The following GSG1L2 variants were observed in gnomAD, a reference collection of about 807,000 sequenced individuals.
GSG1L2 encodes GSG1 like 2.
In GSG1L2, 15 loss-of-function variants were observed where a neutral mutation model predicts 9.0. The observed-to-expected ratio is 1.67, with a 90% CI of 1.12 to 2.57. The LOEUF (loss-of-function observed/expected upper bound fraction) is 2.57, where lower values mean the gene tolerates loss of function less well. GSG1L2 is among the 30% of genes most tolerant of loss of function. GSG1L2 has a pLI of 0.00. For missense variants in GSG1L2, 286 were observed against 150.3 expected (o/e 1.90, Z -4.72); for synonymous variants, 127 against 57.9 (o/e 2.19, Z -5.41).
intron 4 of GSG1L2, chr17:9,804,548 T>C (rs1001303985): frequency 4.6e-5 from 7 of 152,352 alleles, no homozygotes; most frequent in Admixed American, 1.3e-4. Context: ...GCCAGGCATG[T>C]GAGCTTACTC....
Position 9,820,824 on chromosome 17 carries a change from A to T in GSG1L2, c.310+938T>A, listed in dbSNP as rs186684231. Reference sequence around the variant, plus strand: ...CCCCACCATGTCCAGCTAATTTTTTAAAAAAACCTTTTGTAAAGAGAGGTC... The same window carrying T: ...CCCCACCATGTCCAGCTAATTTTTTTAAAAAACCTTTTGTAAAGAGAGGTC... On this transcript the variant is annotated intron_variant, in intron 1 of 4. Coordinates refer to ENST00000399363, the MANE Select transcript of GSG1L2 (RefSeq NM_001310219.2). The surrounding 1 kb of genome is among the most constrained non-coding windows in gnomAD (Gnocchi z 4.9). 1.9e-3 allele frequency among the ~76,000 whole-genome samples: 290 copies of T among 152,124 alleles called. 2 individuals carry two copies. Among genetic ancestry groups the T allele is most frequent in the African/African-American group, 6.6e-3 (275 of 41,486 alleles).
Position 9,808,961 on chromosome 17 carries a change from C to G in GSG1L2, c.380G>C (p.Gly127Ala), listed in dbSNP as rs1302211972. ...EEQGVLWLSIGGEVLDIVLIL... is the reference protein window; with the variant it reads ...EEQGVLWLSIAGEVLDIVLIL... Reference sequence around the variant, plus strand: ...CAGAACGATATCCAGGACCTCGCCCCCGATGGACAGCCACAAAACACCTGC... The same window carrying G: ...CAGAACGATATCCAGGACCTCGCCCGCGATGGACAGCCACAAAACACCTGC... The change falls in exon 3 of 5, where the codon GGG becomes GCG. Residue 127 changes from glycine to alanine, a missense_variant. Physicochemically the swap from Gly to Ala is moderately conservative, Grantham distance 60. Coordinates refer to ENST00000399363, the MANE Select transcript of GSG1L2 (RefSeq NM_001310219.2). 4 of 702,926 alleles carry G rather than the reference C, an allele frequency of 5.7e-6. No individual in the cohort carries two copies. Among genetic ancestry groups the G allele is most frequent in the African/African-American group, 5.2e-5 (3 of 57,250 alleles). 43.5% of individuals were successfully genotyped at this position (702,926 alleles called of 1,614,324 possible). A position where few individuals can be genotyped will look rare whatever the true frequency, so the allele number is the denominator to read the frequency against.
At position 9,813,528 on chromosome 17, in the gene GSG1L2, TCTC is replaced by T. The variant is rs1454712943; in HGVS notation, c.311-2913_311-2911del. On this transcript the variant is annotated intron_variant, in intron 1 of 4. Transcript: ENST00000399363. ...CTTTGGATTAATGTGATTGGACACTTCTCCTGATGTCAGCAGCAGTATCACGGT... is the reference window on the plus strand; with the variant it reads ...CTTTGGATTAATGTGATTGGACACTTCTGATGTCAGCAGCAGTATCACGGT... Among the ~76,000 whole-genome samples the T allele has an allele frequency of 2.6e-5, 4 of 152,168 alleles. No individual in the cohort carries two copies. The South Asian group carries it at 6.2e-4, about 24-fold the overall frequency.
intron 1 of GSG1L2, among the ~76,000 whole-genome samples, chr17:9,813,615 C>G (rs1426591753): frequency 6.6e-6 from 1 of 152,216 alleles, no homozygotes; most frequent in Non-Finnish European, 1.5e-5. Flanking sequence ...CCCCAAAGCA[C>G]TGGAAACACC....
chr17:9,809,348 G>A (rs1397356821), intron 2 of GSG1L2: 4 of 318,692 alleles, frequency 1.3e-5, no homozygotes, highest in African/African-American at 2.2e-5. Flanking sequence ...CTTCAAGAAC[G>A]AAGCCACAGA....
chr17:9,808,886 G>A lies in GSG1L2; in HGVS notation c.455C>T (p.Pro152Leu). ...ATCCACCCTGAGCCAGTGGAACCCAGGGCTGCGACAACTCACTCTGGAGCC... is the reference window on the plus strand; with the variant it reads ...ATCCACCCTGAGCCAGTGGAACCCAAGGCTGCGACAACTCACTCTGGAGCC... ...LLGSRVSCRSPGFHWLRVDAL... is the reference protein window; with the variant it reads ...LLGSRVSCRSLGFHWLRVDAL... The change falls in exon 3 of 5, where the codon CCT becomes CTT. Residue 152 changes from proline (P) to leucine (L), a missense_variant. By Grantham distance (98) the Pro-to-Leu change is moderately conservative. Coordinates refer to ENST00000399363, the MANE Select transcript of GSG1L2 (RefSeq NM_001310219.2). The A allele has an allele frequency of 1.4e-6, 1 of 702,978 alleles. No individual in the cohort carries two copies. The highest frequency in any genetic ancestry group is 2.6e-6 in the Non-Finnish European group (1 of 385,018). 43.5% of individuals were successfully genotyped at this position (702,978 alleles called of 1,614,324 possible).
chr17:9,811,542 G>A (rs1467760312), intron 1 of GSG1L2, among the ~76,000 whole-genome samples: 1 of 152,200 alleles, frequency 6.6e-6, no homozygotes, highest in Non-Finnish European at 1.5e-5. Flanking sequence ...GGTTTAGGGG[G>A]TGACAGATGG....
At chr17:9,803,836 A>T (rs931560363) in intron 4 of GSG1L2, 2 of 152,190 alleles carry the variant, frequency 1.3e-5, no homozygotes, top group Non-Finnish European at 2.9e-5. Context: ...TACCATTTAG[A>T]AAGTGGGACA....
intron 1 of GSG1L2, among the ~76,000 whole-genome samples, chr17:9,814,078 G>C (rs1478756687): frequency 4.6e-5 from 7 of 151,714 alleles, no homozygotes; most frequent in Middle Eastern, 3.4e-3. Flanking sequence ...GGGATTACAG[G>C]CACCCGCCAC....
chr17:9,800,707 T>G lies in GSG1L2; in HGVS notation c.*1679A>C, dbSNP rs1311874850. Among the ~76,000 whole-genome samples, 1 of 152,256 alleles carries G rather than the reference T, an allele frequency of 6.6e-6. No individual in the cohort carries two copies. The highest frequency in any genetic ancestry group is 1.5e-5 in the Non-Finnish European group (1 of 68,050). ...TCAGCGAAGTCTCTCTCCAGTGTATTTCATTCCCTGTAAGATGAGACTTTG... is the reference window on the plus strand; with the variant it reads ...TCAGCGAAGTCTCTCTCCAGTGTATGTCATTCCCTGTAAGATGAGACTTTG... On this transcript the variant is annotated 3_prime_UTR_variant, in exon 5 of 5. Coordinates refer to ENST00000399363, the MANE Select transcript of GSG1L2 (RefSeq NM_001310219.2).
chr17:9,816,915 T>TGC (rs2066569577), intron 1 of GSG1L2, among the ~76,000 whole-genome samples: 1 of 131,810 alleles, frequency 7.6e-6, no homozygotes, highest in African/African-American at 3.4e-5. Context: ...TGTATCTGTG[T>TGC]GTGTGTGTGT....
chr17:9,801,576 T>C lies in GSG1L2; in HGVS notation c.*810A>G, dbSNP rs756881545. On this transcript the variant is annotated 3_prime_UTR_variant, in exon 5 of 5. Transcript: ENST00000399363. The stretch of plus-strand genomic sequence containing the variant: ...ACAACCTGTGGCCTGAATAACATGG[T>C]AGCTGGACATGGGATGAATTGATAC... Among the ~76,000 whole-genome samples, 14 of 152,198 alleles carry C rather than the reference T, an allele frequency of 9.2e-5. No homozygotes were observed. Among genetic ancestry groups the C allele is most frequent in the Non-Finnish European group, 1.6e-4 (11 of 68,028 alleles).
At chr17:9,807,890 C>A in intron 3 of GSG1L2, 1 of 324,920 alleles carries the variant, frequency 3.1e-6, no homozygotes, top group South Asian at 3.3e-5. Context: ...ATCCCATTCG[C>A]TGAGGATAAG....
At chr17:9,813,069 T>G (rs973780875) in intron 1 of GSG1L2, among the ~76,000 whole-genome samples, 1 of 152,190 alleles carries the variant, frequency 6.6e-6, no homozygotes, top group African/African-American at 2.4e-5. Flanking sequence ...GGGTTAGGGT[T>G]TCAGCATATG....
rs570455996 is a variant in GSG1L2 at position 9,802,414 on chromosome 17, C to G, written c.854G>C (p.Gly285Ala). 856 of 680,780 alleles carry G rather than the reference C, an allele frequency of 1.3e-3. 5 individuals carry two copies. In the African/African-American group the frequency reaches 0.013, roughly 10 times the overall value. 42.2% of individuals were successfully genotyped at this position (680,780 alleles called of 1,614,324 possible). Reference protein sequence around the residue: ...FRNVSGHLPPGAPGKVSIC With the variant: ...FRNVSGHLPPAAPGKVSIC ...GCATATGGACACCTTGCCTGGGGCG[C>G]CTGGTGGGAGGTGTCCAGAAACATT... Residue 285 changes from glycine to alanine, a missense_variant, in exon 5 of 5, where the codon GGC becomes GCC. Coordinates refer to ENST00000399363, the MANE Select transcript of GSG1L2 (RefSeq NM_001310219.2).
chr17:9,816,850 GTGTATCTGTA>G (rs1287475441), intron 1 of GSG1L2, among the ~76,000 whole-genome samples: 30 of 105,846 alleles, frequency 2.8e-4, no homozygotes, highest in Non-Finnish European at 1.9e-4. Context: ...GTGTGTTTCT[GTGTATCTGTA>G]TGTGTGTGTC....
intron 1 of GSG1L2, among the ~76,000 whole-genome samples, chr17:9,816,179 C>G (rs2066558632): frequency 6.6e-6 from 1 of 152,186 alleles, no homozygotes; most frequent in African/African-American, 2.4e-5. Context: ...TTCTGGTATT[C>G]TGTTTTAAGC....
chr17:9,803,436 T>C (rs1243349293), intron 4 of GSG1L2, among the ~76,000 whole-genome samples: 2 of 152,220 alleles, frequency 1.3e-5, no homozygotes, highest in Non-Finnish European at 2.9e-5. Flanking sequence ...ATCCAGGCTG[T>C]AAGCCTGTTG....
chr17:9,816,654 T>C (rs1486762528), intron 1 of GSG1L2, among the ~76,000 whole-genome samples: 1 of 120,362 alleles, frequency 8.3e-6, no homozygotes, highest in Admixed American at 9.5e-5. Flanking sequence ...TCTGTGTGTG[T>C]CTGTGTGTGC....
Sources: gnomAD v4.1 joint callset for allele counts (sites outside exome capture counted in the v4.1 genomes callset) on GRCh38, gnomAD v4.1.1 for gene constraint, Gnocchi (gnomAD v3.1) non-coding constraint, MANE v1.5 for transcripts, NCBI Gene and HGNC (gene_info 2026-07-23, HGNC 2026-07-21) for gene names.